TXK: variants seen among roughly 807,000 people sequenced by gnomAD.
TXK encodes the protein tyrosine-protein kinase TXK.
Under a neutral mutation model 81.0 loss-of-function variants are expected in TXK, and 60 were observed. That is an observed-to-expected ratio of 0.74 (90% CI 0.60 to 0.92). The LOEUF is 0.92. TXK is among the 40% of genes least tolerant of loss of function. TXK has a pLI of 0.00. For synonymous variants in TXK, 203 were observed against 210.7 expected, an observed-to-expected ratio of 0.96 and a Z score of 0.32; for missense variants, 581 against 638.3, an observed-to-expected ratio of 0.91 and a Z score of 0.97.
At chr4:48,124,462 A>T (rs763308813) in intron 1 of TXK, among the ~76,000 whole-genome samples, 6 of 150,848 alleles carry the variant, frequency 4.0e-5, no homozygotes, top group Non-Finnish European at 7.4e-5. Flanking sequence ...TCTTCTCCCT[A>T]GCTTCTAGCA....
At chr4:48,127,852 C>T (rs972457355) in intron 1 of TXK, among the ~76,000 whole-genome samples, 1 of 152,188 alleles carries the variant, frequency 6.6e-6, no homozygotes, top group East Asian at 1.9e-4. Context: ...GAAGGATTTG[C>T]GCCCCTCTGT....
intron 1 of TXK, among the ~76,000 whole-genome samples, chr4:48,127,897 C>G (rs943638415): frequency 1.3e-5 from 2 of 152,168 alleles, no homozygotes; most frequent in African/African-American, 4.8e-5. Flanking sequence ...ATTCCTTCCA[C>G]CCCCAGAGGT....
At chr4:48,114,529 T>A in intron 1 of TXK, 127 bp from the exon 2 acceptor site, 2 of 943,018 alleles carry the variant, frequency 2.1e-6, no homozygotes, top group Non-Finnish European at 3.3e-6. Flanking sequence ...CTTCCTTCAC[T>A]AGTGGAAGAC....
At chr4:48,132,789 T>C (rs892976682) in intron 1 of TXK, among the ~76,000 whole-genome samples, 1 of 151,826 alleles carries the variant, frequency 6.6e-6, no homozygotes, top group Non-Finnish European at 1.5e-5. Context: ...CTACTACAAA[T>C]AGAAAAACTA....
chr4:48,100,544 T>C (rs1044941637), intron 6 of TXK, among the ~76,000 whole-genome samples: 1 of 152,232 alleles, frequency 6.6e-6, no homozygotes, highest in Non-Finnish European at 1.5e-5. Context: ...TTCTATAAAG[T>C]GCTGTCTGAA....
At chr4:48,122,249 C>T (rs1283467517) in intron 1 of TXK, among the ~76,000 whole-genome samples, 1 of 152,170 alleles carries the variant, frequency 6.6e-6, no homozygotes, top group Non-Finnish European at 1.5e-5. Flanking sequence ...ATCTGGCCTC[C>T]TGTTCCCTCT....
intron 6 of TXK, among the ~76,000 whole-genome samples, chr4:48,104,248 ATTTT>A (rs1356449104): frequency 2.7e-5 from 1 of 37,592 alleles, no homozygotes; most frequent in Non-Finnish European, 4.8e-5. Context: ...TATAATATAT[ATTTT>A]ATATATATAA....
chr4:48,094,307 A>G, intron 7 of TXK, 103 bp from the exon 8 acceptor site: 1 of 1,288,418 alleles, frequency 7.8e-7, no homozygotes, highest in Non-Finnish European at 1.1e-6. Flanking sequence ...TCATCCTAGC[A>G]ACACTACACT....
At position 48,066,458 on chromosome 4, in the gene TXK, G is replaced by T. The variant is rs915957934; in HGVS notation, c.*1179C>A. 1 of 152,112 alleles carries T rather than the reference G, an allele frequency of 6.6e-6. No homozygotes were observed. The highest frequency in any genetic ancestry group is 1.5e-5 in the Non-Finnish European group (1 of 68,034). The allele number at this position is 152,112 out of a possible 1,614,324, so 9.4% of individuals were successfully genotyped here. A position where few individuals can be genotyped will look rare whatever the true frequency, so the allele number is the denominator to read the frequency against. On this transcript the variant is annotated 3_prime_UTR_variant, in exon 15 of 15. Coordinates refer to ENST00000264316, the MANE Select transcript of TXK (RefSeq NM_003328.3). Reference sequence around the variant, plus strand: ...TATATAAAGATACCATTCTTTGAGTGGGGGAAATATAATTTAAAAGTCGCA... The same window carrying T: ...TATATAAAGATACCATTCTTTGAGTTGGGGAAATATAATTTAAAAGTCGCA...
At chr4:48,104,990 T>C in intron 5 of TXK, 35 bp from the exon 6 acceptor site, 3 of 1,484,168 alleles carry the variant, frequency 2.0e-6, no homozygotes, top group South Asian at 2.6e-5. Flanking sequence ...TTAAATTTTA[T>C]ATTCAATTTT....
chr4:48,077,166 G>A (rs2109403988), intron 11 of TXK, among the ~76,000 whole-genome samples: 1 of 152,126 alleles, frequency 6.6e-6, no homozygotes, highest in African/African-American at 2.4e-5. Flanking sequence ...TTATCACAAT[G>A]AACTGAATAT....
intron 1 of TXK, among the ~76,000 whole-genome samples, chr4:48,124,575 T>A (rs1038201201): frequency 6.6e-6 from 1 of 151,962 alleles, no homozygotes; most frequent in African/African-American, 2.4e-5. Context: ...TTTTTTCCAC[T>A]CATTCATCTT....
chr4:48,090,825 C>G (rs570972465), intron 8 of TXK, among the ~76,000 whole-genome samples: 1 of 152,212 alleles, frequency 6.6e-6, no homozygotes, highest in African/African-American at 2.4e-5. Context: ...AGAGTGGGTG[C>G]TCAGGGAAGG....
At chr4:48,086,227 C>T (rs534765163) in intron 10 of TXK, among the ~76,000 whole-genome samples, 11 of 152,330 alleles carry the variant, frequency 7.2e-5, no homozygotes, top group Middle Eastern at 6.8e-3. Context: ...TTATTTAATT[C>T]ACACATTGAT....
At chr4:48,129,200 C>T (rs1347514079) in intron 1 of TXK, among the ~76,000 whole-genome samples, 1 of 152,184 alleles carries the variant, frequency 6.6e-6, no homozygotes, top group Non-Finnish European at 1.5e-5. Flanking sequence ...GATCCTGTGT[C>T]TGTGTTCGCA....
chr4:48,118,353 C>T (rs1377400288), intron 1 of TXK, among the ~76,000 whole-genome samples: 2 of 152,276 alleles, frequency 1.3e-5, no homozygotes, highest in East Asian at 3.9e-4. Context: ...CAAGAGGCCA[C>T]TGGTGTGAAT....
chr4:48,068,551 C>G (rs1577641402), intron 14 of TXK, among the ~76,000 whole-genome samples: 1 of 152,288 alleles, frequency 6.6e-6, no homozygotes, highest in Non-Finnish European at 1.5e-5. Context: ...TTTTAAAAGC[C>G]TGTGATCTTT....
At chr4:48,074,114 A>G in intron 12 of TXK, 61 bp from the exon 13 acceptor site, 1 of 1,310,930 alleles carries the variant, frequency 7.6e-7, no homozygotes, top group Non-Finnish European at 1.1e-6. Flanking sequence ...TTTACTTCAA[A>G]TCCCTTTAGT....
At chr4:48,098,031 G>A (rs1053590141) in intron 6 of TXK, among the ~76,000 whole-genome samples, 1 of 152,142 alleles carries the variant, frequency 6.6e-6, no homozygotes, top group Non-Finnish European at 1.5e-5. Flanking sequence ...ACAGGCATGA[G>A]CCACCACGCC....
Sources: gnomAD v4.1 joint callset for allele counts (sites outside exome capture counted in the v4.1 genomes callset) on GRCh38, gnomAD v4.1.1 for gene constraint, MANE v1.5 for transcripts, NCBI Gene and HGNC (gene_info 2026-07-23, HGNC 2026-07-21) for gene names.